The following ZNF385D variants were observed in gnomAD, a reference collection of about 807,000 sequenced individuals.
ZNF385D encodes zinc finger protein 659.
ZNF385D carries 15 observed loss-of-function variants against 35.8 expected under a neutral mutation model. The ratio of observed to expected loss-of-function variants is 0.42; its 90% confidence interval spans 0.28 to 0.64. ZNF385D has a LOEUF of 0.64. Among genes scored for constraint, ZNF385D ranks in the 30% least tolerant of loss-of-function variants. ZNF385D has a pLI of 0.23. For missense variants in ZNF385D, 474 were observed against 494.6 expected, an observed-to-expected ratio of 0.96 and a Z score of 0.39; for synonymous variants, 212 against 186.8, an observed-to-expected ratio of 1.13 and a Z score of -1.10.
At chr3:22,218,247 T>C (rs1266937663) in intron 2 of ZNF385D, among the ~76,000 whole-genome samples, 8 of 152,132 alleles carry the variant, frequency 5.3e-5, no homozygotes, top group African/African-American at 1.4e-4. Context: ...CTTAAAAACA[T>C]TGTAGGCTTT....
At chr3:21,925,000 T>C (rs1049864027) in intron 3 of ZNF385D, among the ~76,000 whole-genome samples, 4 of 151,742 alleles carry the variant, frequency 2.6e-5, no homozygotes, top group Non-Finnish European at 5.9e-5. Context: ...AAAACAATGA[T>C]AAAAAAAGAG....
intron 3 of ZNF385D, among the ~76,000 whole-genome samples, chr3:21,916,513 A>G (rs1439814727): frequency 2.0e-5 from 3 of 152,202 alleles, no homozygotes; most frequent in Non-Finnish European, 2.9e-5. Flanking sequence ...ACATATTTCT[A>G]TACCCCAAAG....
chr3:21,803,529 C>T (rs979506864), intron 3 of ZNF385D, among the ~76,000 whole-genome samples: 1 of 152,030 alleles, frequency 6.6e-6, no homozygotes, highest in African/African-American at 2.4e-5. Context: ...TTTCACATTT[C>T]AGCTTAATTT....
intron 4 of ZNF385D, among the ~76,000 whole-genome samples, chr3:21,450,236 C>T (rs777086685): frequency 6.6e-6 from 1 of 152,098 alleles, no homozygotes; most frequent in Non-Finnish European, 1.5e-5. Context: ...AGGCTTTGTG[C>T]TTTCTTTTAT....
intron 2 of ZNF385D, among the ~76,000 whole-genome samples, chr3:21,620,580 T>C (rs1009793589): frequency 1.3e-4 from 20 of 152,160 alleles, no homozygotes; most frequent in African/African-American, 4.8e-4. Flanking sequence ...AGCCTGTCCT[T>C]TTAGCATCAG....
intron 2 of ZNF385D, among the ~76,000 whole-genome samples, chr3:22,191,764 T>C (rs1182743008): frequency 6.6e-6 from 1 of 152,114 alleles, no homozygotes; most frequent in African/African-American, 2.4e-5. Context: ...AATCATAAAA[T>C]AAAGACTATC....
At chr3:21,600,118 T>C (rs1309365556) in intron 2 of ZNF385D, among the ~76,000 whole-genome samples, 1 of 152,210 alleles carries the variant, frequency 6.6e-6, no homozygotes, top group Non-Finnish European at 1.5e-5. Flanking sequence ...TTACCCTATA[T>C]GGTCTAAATA....
chr3:21,897,610 G>A (rs923400757), intron 3 of ZNF385D, among the ~76,000 whole-genome samples: 24 of 152,140 alleles, frequency 1.6e-4, no homozygotes, highest in Admixed American at 1.4e-3. Flanking sequence ...GACTGAGCAA[G>A]AGGAGAAACA....
intron 3 of ZNF385D, among the ~76,000 whole-genome samples, chr3:21,540,626 T>C (rs2125560007): frequency 6.6e-6 from 1 of 152,298 alleles, no homozygotes; most frequent in South Asian, 2.1e-4. Context: ...AGGTTAAAAG[T>C]TGTGAAGATG....
chr3:21,735,966 C>T (rs1319471697), intron 1 of ZNF385D, among the ~76,000 whole-genome samples: 1 of 152,158 alleles, frequency 6.6e-6, no homozygotes, highest in African/African-American at 2.4e-5. Flanking sequence ...CAGAAGTGGC[C>T]CAAGAATTGT....
chr3:21,884,344 C>T (rs558392647), intron 3 of ZNF385D, among the ~76,000 whole-genome samples: 9 of 152,092 alleles, frequency 5.9e-5, no homozygotes, highest in East Asian at 1.9e-4. Flanking sequence ...ACCATCCCTT[C>T]GCTGGAATTG....
intron 3 of ZNF385D, among the ~76,000 whole-genome samples, chr3:21,827,094 G>A (rs1694690513): frequency 6.6e-6 from 1 of 152,090 alleles, no homozygotes; most frequent in Non-Finnish European, 1.5e-5. Flanking sequence ...ATTTTACATA[G>A]TTTCAGTGAA....
intron 3 of ZNF385D, among the ~76,000 whole-genome samples, chr3:22,158,493 T>C (rs113895485): frequency 0.045 from 6,778 of 152,234 alleles, 189 homozygotes; most frequent in Middle Eastern, 0.12. Context: ...TACATCTATT[T>C]GCTTTTATTT....
At chr3:21,945,176 TGAG>T (rs1701720760) in intron 3 of ZNF385D, among the ~76,000 whole-genome samples, 1 of 149,952 alleles carries the variant, frequency 6.7e-6, no homozygotes, top group African/African-American at 2.5e-5. Flanking sequence ...ATATATATAG[TGAG>T]AGAGAGAGAG....
In ZNF385D at chr3:21,735,426, C is replaced by G. The variant is rs570932446; in HGVS notation, c.22+15469G>C. The stretch of plus-strand genomic sequence containing the variant: ...GGGCTAGGCAATTAAATTTGTTAAT[C>G]TTCATTTTTCTTATCTTAAACATAA... On this transcript the variant is annotated intron_variant, in intron 1 of 7. Coordinates refer to ENST00000281523, the MANE Select transcript of ZNF385D (RefSeq NM_024697.3). Among the ~76,000 whole-genome samples the G allele has an allele frequency of 1.2e-4, 18 of 152,200 alleles. No homozygotes were observed. The East Asian group carries it at 3.3e-3, about 28-fold the overall frequency.
chr3:21,839,343 T>C (rs1295622253), intron 3 of ZNF385D, among the ~76,000 whole-genome samples: 2 of 152,126 alleles, frequency 1.3e-5, no homozygotes, highest in Non-Finnish European at 2.9e-5. Context: ...AAAATGGTTT[T>C]GACTTCACAG....
At chr3:21,494,574 C>T (rs1705681310) in intron 4 of ZNF385D, among the ~76,000 whole-genome samples, 1 of 152,172 alleles carries the variant, frequency 6.6e-6, no homozygotes, top group Admixed American at 6.6e-5. Flanking sequence ...CACTCAAACT[C>T]TAGCTCCACT....
chr3:21,691,474 C>A (rs1021299163), intron 1 of ZNF385D, among the ~76,000 whole-genome samples: 5 of 152,036 alleles, frequency 3.3e-5, no homozygotes, highest in African/African-American at 1.2e-4. Context: ...CCTTAAATCT[C>A]CTTCCCCTCT....
At chr3:21,667,199 T>A (rs1362316501) in intron 1 of ZNF385D, among the ~76,000 whole-genome samples, 1 of 152,242 alleles carries the variant, frequency 6.6e-6, no homozygotes, top group Non-Finnish European at 1.5e-5. Context: ...CTCACTCTTG[T>A]TTCCCAGGCT....
Sources: allele counts gnomAD v4.1 joint callset (sites outside exome capture counted in the v4.1 genomes callset), GRCh38; gene constraint gnomAD v4.1.1; transcripts MANE v1.5; gene names NCBI Gene and HGNC (gene_info 2026-07-23, HGNC 2026-07-21).